The following CCDC9 variants were observed in gnomAD, a reference collection of about 807,000 sequenced individuals.
CCDC9 encodes coiled-coil domain containing 9.
A neutral mutation model predicts 65.6 loss-of-function variants in CCDC9; 52 were observed. The ratio of observed to expected loss-of-function variants is 0.79; its 90% CI spans 0.63 to 1.00. The LOEUF (loss-of-function observed/expected upper bound fraction) is 1.00, where lower values mean the gene tolerates loss of function less well. CCDC9 is among the 50% of genes least tolerant of loss of function. The pLI, the probability that CCDC9 is intolerant of heterozygous loss-of-function variation, is 0.00. For synonymous variants in CCDC9, 332 were observed against 280.3 expected (o/e 1.18, Z -1.84); for missense variants, 834 against 757.2 (o/e 1.10, Z -1.19).
At chr19:47,266,220 C>G (rs185684096) in intron 7 of CCDC9, 1 of 177,222 alleles carries the variant, frequency 5.6e-6, no homozygotes, top group Non-Finnish European at 1.2e-5. Context: ...TGGTCTCCAT[C>G]TCCTGACCTC....
At chr19:47,258,261 C>T in intron 1 of CCDC9, 69 bp from the exon 2 acceptor site, 1 of 823,968 alleles carries the variant, frequency 1.2e-6, no homozygotes, top group Non-Finnish European at 2.1e-6. Context: ...GAGGATCCCG[C>T]AGTATGTTAG....
chr19:47,258,063 T>C (rs928065086), intron 1 of CCDC9: 1 of 404,526 alleles, frequency 2.5e-6, no homozygotes, highest in Non-Finnish European at 4.5e-6. Flanking sequence ...ACTTAAGCAG[T>C]GGGTGGGGGC....
rs1304992225 is a variant in CCDC9, at chr19:47,270,636, A to G, written c.1033A>G (p.Arg345Gly). The change falls in exon 10 of 12, where the codon AGA becomes GGA. Residue 345 changes from arginine to glycine, a missense_variant. Physicochemically the swap from Arg to Gly is moderately radical, Grantham distance 125 (BLOSUM62 -2). Transcript: ENST00000221922. ...GCACAAAGCTGAGGCCAGCAGCCGC[A>G]GAAGGAGAAAGAGCAGTCGGCCCCA... is the stretch of plus-strand genomic sequence containing the variant. ...SQHKAEASSRRRRKSSRPQAK... is the reference protein window; with the variant it reads ...SQHKAEASSRGRRKSSRPQAK... 4 of 1,612,858 alleles carry G rather than the reference A, an allele frequency of 2.5e-6. No individual in the cohort carries two copies. The highest frequency in any genetic ancestry group is 1.3e-5 in the African/African-American group (1 of 75,012).
chr19:47,271,505 G>A lies in CCDC9; in HGVS notation c.1423G>A (p.Glu475Lys), dbSNP rs2059117434. Reference protein sequence around the residue: ...QAHGVPFSPEEPLLEPQAPGT... With the variant: ...QAHGVPFSPEKPLLEPQAPGT... ...CCACGGAGTCCCCTTCAGTCCGGAG[G>A]AGCCCCTGCTGGAGCCCCAGGCCCC... is the stretch of plus-strand genomic sequence containing the variant. Residue 475 changes from glutamate (E) to lysine (K), a missense_variant, in exon 12 of 12, where the codon GAG becomes AAG. By Grantham distance (56) the Glu-to-Lys change is moderately conservative. Transcript: ENST00000221922. 4 of 1,612,916 alleles carry A rather than the reference G, an allele frequency of 2.5e-6. No individual in the cohort carries two copies. Among genetic ancestry groups the A allele is most frequent in the Middle Eastern group, 1.8e-4 (1 of 5,690 alleles).
At chr19:47,275,304 C>T (rs2059152245), downstream of CCDC9, 1 of 1,546,630 alleles carries the variant, frequency 6.5e-7, no homozygotes, top group East Asian at 2.5e-5. Flanking sequence ...CCGCCAGACA[C>T]CCAGAGAGAC....
At chr19:47,267,012 T>A (rs1349008243) in intron 8 of CCDC9, among the ~76,000 whole-genome samples, 1 of 152,058 alleles carries the variant, frequency 6.6e-6, no homozygotes, top group Non-Finnish European at 1.5e-5. Context: ...TCGCCCAGGC[T>A]GGAGTGCAGT....
chr19:47,270,242 T>A (rs1226092016), intron 8 of CCDC9, among the ~76,000 whole-genome samples, 165 bp from the exon 9 acceptor site: 3 of 152,190 alleles, frequency 2.0e-5, no homozygotes, highest in Non-Finnish European at 4.4e-5. Context: ...GTGCGGGGAT[T>A]ACAGGCTTGA....
At position 47,271,042 on chromosome 19, in the gene CCDC9, C is replaced by T. The variant is rs545912280; in HGVS notation, c.1086-40C>T. 16 of 1,434,564 alleles carry T rather than the reference C, an allele frequency of 1.1e-5. No individual in the cohort carries two copies. In the South Asian group the frequency reaches 2.0e-4, roughly 18 times the overall value. 88.9% of individuals were successfully genotyped at this position (1,434,564 alleles called of 1,614,324 possible). On this transcript the variant is annotated intron_variant, in intron 10 of 11. Transcript: ENST00000221922. ...GCAGGAAGCCCCTTCCTCCTGTCTA[C>T]TCTCCACCCAGGCATCACCCCTCCC...
At chr19:47,258,483 T>G in intron 2 of CCDC9, 76 bp from the exon 3 acceptor site, 1 of 1,600,302 alleles carries the variant, frequency 6.2e-7, no homozygotes, top group East Asian at 2.2e-5. Flanking sequence ...AGGGGCAGAC[T>G]CTCAGACCCT....
intron 5 of CCDC9, among the ~76,000 whole-genome samples, 195 bp downstream of exon 5, chr19:47,261,034 T>C (rs1193034034): frequency 6.6e-6 from 1 of 151,872 alleles, no homozygotes; most frequent in South Asian, 2.1e-4. Flanking sequence ...TAGTTCCCCC[T>C]GTTCCTTCCC....
At chr19:47,259,942 C>T (rs1037667547) in intron 3 of CCDC9, among the ~76,000 whole-genome samples, 12 of 152,192 alleles carry the variant, frequency 7.9e-5, no homozygotes, top group Non-Finnish European at 1.3e-4. Flanking sequence ...TGGAGGGTCT[C>T]TGGGAAAAGT....
At chr19:47,265,984 CTTTTTTT>C (rs1158302196) in intron 7 of CCDC9, among the ~76,000 whole-genome samples, 2 of 72,628 alleles carry the variant, frequency 2.8e-5, no homozygotes, top group South Asian at 4.1e-4. Flanking sequence ...CCGCTCCTGG[CTTTTTTT>C]TTTTTTTTTT....
chr19:47,270,264 C>T lies in CCDC9; in HGVS notation c.903-143C>T, dbSNP rs975032395. ...GATTACAGGCTTGAGCCACCATGCC[C>T]GGCCCTGTCCTACTTCTAGTGTCCC... On this transcript the variant is annotated intron_variant, in intron 8 of 11. Transcript: ENST00000221922. The T allele has an allele frequency of 4.8e-5, 37 of 769,154 alleles. 1 individual carries two copies. Among genetic ancestry groups the T allele is most frequent in the Non-Finnish European group, 4.8e-5 (22 of 457,200 alleles). The allele number at this position is 769,154 out of a possible 1,614,324, so 47.6% of individuals were successfully genotyped here. A position where few individuals can be genotyped will look rare whatever the true frequency, so the allele number is the denominator to read the frequency against.
chr19:47,264,523 C>T lies in CCDC9; in HGVS notation c.463-80C>T, dbSNP rs577948776. 814 of 1,353,184 alleles carry T rather than the reference C, an allele frequency of 6.0e-4. 6 individuals are homozygous for T. In the African/African-American group the frequency reaches 0.01, roughly 17 times the overall value. The allele number at this position is 1,353,184 out of a possible 1,614,324, so 83.8% of individuals were successfully genotyped here. A position where few individuals can be genotyped will look rare whatever the true frequency, so the allele number is the denominator to read the frequency against. On this transcript the variant is annotated intron_variant, in intron 5 of 11. Transcript: ENST00000221922. ...CCAGTCCGAGGAGAGGAGCCTCAGG[C>T]CTGCTGGGCAGCCCGTCTCCTGCAC...
intron 5 of CCDC9, among the ~76,000 whole-genome samples, chr19:47,262,512 C>T (rs546553023): frequency 1.5e-4 from 23 of 152,186 alleles, no homozygotes; most frequent in East Asian, 5.8e-4. Context: ...CTGCTGCGCC[C>T]GGCCTGGTTC....
chr19:47,271,181 C>A lies in CCDC9; in HGVS notation c.1185C>A (p.Pro395=), dbSNP rs867297611. The A allele has an allele frequency of 2.5e-6, 4 of 1,602,310 alleles. No homozygotes were observed. In the Middle Eastern group the frequency reaches 6.7e-4, roughly 268 times the overall value. ...TSPETSPKET[P]MQPPEIPAPA... is the part of the protein sequence containing the mutation. ...CCGAGACTTCCCCCAAGGAGACACC[C>A]ATGCAGGTGAGGCTGGGCTGTGGTT... The change falls in exon 11 of 12, where the codon CCC becomes CCA. Residue 395 remains proline, a synonymous_variant. Coordinates refer to ENST00000221922, the MANE Select transcript of CCDC9 (RefSeq NM_015603.3).
downstream of CCDC9, chr19:47,273,334 G>C (rs901264959): frequency 2.2e-5 from 27 of 1,229,152 alleles, no homozygotes; most frequent in South Asian, 5.4e-4. Context: ...CCCCTCCGCT[G>C]ACTCAGCCCC....
intron 5 of CCDC9, 25 bp downstream of exon 5, chr19:47,260,864 C>T (rs762617113): frequency 5.3e-5 from 84 of 1,594,942 alleles, no homozygotes; most frequent in Admixed American, 2.0e-4. Context: ...GCGCCTGGAG[C>T]CCTGGCTGAG....
chr19:47,265,519 C>T lies in CCDC9; in HGVS notation c.720+573C>T, dbSNP rs144468092. Among the ~76,000 whole-genome samples, 321 of 152,174 alleles carry T rather than the reference C, an allele frequency of 2.1e-3. 1 individual carries two copies. Among genetic ancestry groups the T allele is most frequent in the African/African-American group, 7.4e-3 (306 of 41,512 alleles). On this transcript the variant is annotated intron_variant, in intron 7 of 11. Coordinates refer to ENST00000221922, the MANE Select transcript of CCDC9 (RefSeq NM_015603.3). ...AGAGGAGGCAGGGGCAGTGTCCTTG[C>T]ACTTGGTGGTCCACCCCTAAATTGT... is the stretch of plus-strand genomic sequence containing the variant.
Sources: gnomAD v4.1 joint callset for allele counts (sites outside exome capture counted in the v4.1 genomes callset) on GRCh38, gnomAD v4.1.1 for gene constraint, MANE v1.5 for transcripts, NCBI Gene and HGNC (gene_info 2026-07-23, HGNC 2026-07-21) for gene names.